ITGA8: variants seen among roughly 807,000 people sequenced by gnomAD.
ITGA8 encodes integrin subunit alpha 8, also known as integrin alpha-8.
Under a neutral mutation model 142.3 loss-of-function variants are expected in ITGA8, and 91 were observed. That is an observed-to-expected ratio of 0.64 (90% CI 0.54 to 0.76). The LOEUF is 0.76. Ranked by LOEUF, ITGA8 falls within the 30% of genes least tolerant of loss-of-function variation. The probability of loss-of-function intolerance (pLI) is 0.00; values close to 1 mark genes in which losing one functional copy is unlikely to be tolerated. For missense variants in ITGA8, 1,406 were observed against 1,327.7 expected, an observed-to-expected ratio of 1.06 and a Z score of -0.92; for synonymous variants, 505 against 485.2, an observed-to-expected ratio of 1.04 and a Z score of -0.54.
chr10:15,588,685 T>A (rs1832873359), intron 22 of ITGA8, among the ~76,000 whole-genome samples: 1 of 152,222 alleles, frequency 6.6e-6, no homozygotes, highest in Non-Finnish European at 1.5e-5. Context: ...CAAAGTTTCA[T>A]TTAAGTTATT....
chr10:15,517,358 T>C, intron 29 of ITGA8, 114 bp from the exon 30 acceptor site: 1 of 600,706 alleles, frequency 1.7e-6, no homozygotes, highest in Non-Finnish European at 2.8e-6. Context: ...AGTCTCGCTC[T>C]CTATTCCCCA....
At chr10:15,693,418 T>C (rs1834970206) in intron 2 of ITGA8, among the ~76,000 whole-genome samples, 1 of 152,210 alleles carries the variant, frequency 6.6e-6, no homozygotes, top group Admixed American at 6.5e-5. Context: ...AATCTTAACC[T>C]AAAATTTACA....
chr10:15,608,295 A>G lies in ITGA8; in HGVS notation c.1554-5T>C. 6.4e-7 allele frequency: 1 copy of G among 1,571,602 alleles called. No individual in the cohort carries two copies. Among genetic ancestry groups the G allele is most frequent in the Non-Finnish European group, 8.7e-7 (1 of 1,155,110 alleles). On this transcript the variant is annotated splice_polypyrimidine_tract_variant and splice_region_variant and intron_variant, in intron 15 of 29. Transcript: ENST00000378076. ...GCACATACTCTTAAAGAAAAGCTAT[A>G]GAAAATAGTAGTAATTTATTGGTTA...
intron 25 of ITGA8, among the ~76,000 whole-genome samples, chr10:15,561,213 A>ATG (rs2131571789): frequency 1.1e-5 from 1 of 94,816 alleles, no homozygotes; most frequent in Non-Finnish European, 2.0e-5. Context: ...TGTTGGCTAT[A>ATG]TATATATATA....
chr10:15,555,500 G>A (rs1414254450), intron 26 of ITGA8, among the ~76,000 whole-genome samples: 1 of 152,206 alleles, frequency 6.6e-6, no homozygotes, highest in Non-Finnish European at 1.5e-5. Flanking sequence ...GCCCCCTTGG[G>A]TCAGTGCACC....
At chr10:15,692,101 C>CT (rs1245071044) in intron 2 of ITGA8, among the ~76,000 whole-genome samples, 5 of 151,836 alleles carry the variant, frequency 3.3e-5, no homozygotes, top group South Asian at 4.2e-4. Flanking sequence ...CCATGCAGGG[C>CT]TTTTTTTTCT....
intron 3 of ITGA8, among the ~76,000 whole-genome samples, chr10:15,686,395 A>G (rs557204411): frequency 1.3e-5 from 2 of 152,330 alleles, no homozygotes; most frequent in East Asian, 1.9e-4. Context: ...AGTCTACATC[A>G]TGAAGCATTC....
chr10:15,650,080 A>T (rs1020757980), intron 11 of ITGA8, among the ~76,000 whole-genome samples: 2 of 152,230 alleles, frequency 1.3e-5, no homozygotes, highest in Non-Finnish European at 2.9e-5. Flanking sequence ...GGTACATCAT[A>T]TAATAATATT....
chr10:15,574,491 A>G (rs1348314284), intron 24 of ITGA8, among the ~76,000 whole-genome samples: 1 of 152,024 alleles, frequency 6.6e-6, no homozygotes, highest in East Asian at 1.9e-4. Context: ...CCCAGGTTCA[A>G]GCGATTCTCC....
At chr10:15,680,793 A>G (rs1346699679) in intron 4 of ITGA8, among the ~76,000 whole-genome samples, 1 of 152,022 alleles carries the variant, frequency 6.6e-6, no homozygotes, top group East Asian at 1.9e-4. Flanking sequence ...TTTTTACAAA[A>G]TACACTGAGA....
At chr10:15,580,705 A>G (rs1195160739) in intron 23 of ITGA8, among the ~76,000 whole-genome samples, 1 of 152,244 alleles carries the variant, frequency 6.6e-6, no homozygotes, top group Non-Finnish European at 1.5e-5. Context: ...TATGTACAGA[A>G]TAAGCATTTG....
intron 10 of ITGA8, among the ~76,000 whole-genome samples, chr10:15,658,445 C>G (rs1283255208): frequency 6.6e-6 from 1 of 152,124 alleles, no homozygotes; most frequent in East Asian, 1.9e-4. Context: ...CATGAGTAGC[C>G]CCTGTCCCCT....
chr10:15,539,830 C>T (rs1014048120), intron 27 of ITGA8, among the ~76,000 whole-genome samples: 10 of 152,204 alleles, frequency 6.6e-5, no homozygotes, highest in African/African-American at 2.2e-4. Flanking sequence ...TGTCCCCACC[C>T]AAATCTCACC....
At chr10:15,544,587 G>A (rs1034238377) in intron 27 of ITGA8, among the ~76,000 whole-genome samples, 3 of 152,156 alleles carry the variant, frequency 2.0e-5, no homozygotes, top group Non-Finnish European at 4.4e-5. Flanking sequence ...AGAAAAACAG[G>A]ATTTACAGTT....
intron 8 of ITGA8, among the ~76,000 whole-genome samples, chr10:15,666,241 G>T (rs1175881277): frequency 2.0e-5 from 3 of 152,212 alleles, no homozygotes; most frequent in Middle Eastern, 3.4e-3. Flanking sequence ...CACATCCCTT[G>T]TAAGTTGGAT....
At chr10:15,576,644 T>G (rs1380851963) in intron 23 of ITGA8, among the ~76,000 whole-genome samples, 1 of 152,212 alleles carries the variant, frequency 6.6e-6, no homozygotes, top group Non-Finnish European at 1.5e-5. Context: ...GGTTATATTC[T>G]TACTCTAGGG....
chr10:15,708,438 G>T (rs1031484272), intron 2 of ITGA8, among the ~76,000 whole-genome samples: 1 of 152,070 alleles, frequency 6.6e-6, no homozygotes, highest in Non-Finnish European at 1.5e-5. Flanking sequence ...CTGAGTGTTG[G>T]TATAAACGTC....
rs568790339 is a variant in ITGA8 at position 15,673,907 on chromosome 10, G to A, written c.677-1158C>T. Among the ~76,000 whole-genome samples, 16 of 152,256 alleles carry A rather than the reference G, an allele frequency of 1.1e-4. No homozygotes were observed. The South Asian group carries it at 1.2e-3, about 12-fold the overall frequency. ...ATCTAAAAGACAACCAGCAATTTCC[G>A]CTGCAATTTCTATGCATTCCCATGT... On this transcript the variant is annotated intron_variant, in intron 6 of 29. Transcript: ENST00000378076.
At chr10:15,610,222 C>G (rs1053449138) in intron 15 of ITGA8, among the ~76,000 whole-genome samples, 2 of 152,104 alleles carry the variant, frequency 1.3e-5, no homozygotes, top group Admixed American at 1.3e-4. Flanking sequence ...TTTTCAAACT[C>G]TGTGTTATGA....
Sources: allele counts gnomAD v4.1 joint callset (sites outside exome capture counted in the v4.1 genomes callset), GRCh38; gene constraint gnomAD v4.1.1; transcripts MANE v1.5; gene names NCBI Gene and HGNC (gene_info 2026-07-23, HGNC 2026-07-21).